Variants in ITGA11 observed in about 807,000 individuals in gnomAD.
The protein encoded by ITGA11 is integrin alpha-11.
In ITGA11, 97 loss-of-function variants were observed where a neutral mutation model predicts 141.9. The observed-to-expected ratio is 0.68, with a 90% confidence interval of 0.58 to 0.81. The LOEUF is 0.81. Ranked by LOEUF, ITGA11 falls within the 30% of genes least tolerant of loss-of-function variation. The probability of loss-of-function intolerance (pLI) is 0.00; values close to 1 mark genes in which losing one functional copy is unlikely to be tolerated. For synonymous variants in ITGA11, 658 were observed against 624.6 expected (o/e 1.05, Z -0.80); for missense variants, 1,387 against 1,559.2 (o/e 0.89, Z 1.86).
At position 68,348,471 on chromosome 15, in the gene ITGA11, C is replaced by G. The variant is rs530625999; in HGVS notation, c.1131+359G>C. On this transcript the variant is annotated intron_variant, in intron 10 of 29. Coordinates refer to ENST00000315757, the MANE Select transcript of ITGA11 (RefSeq NM_001004439.2). ...GTGGACTGAATGGGAAGGCACACCCCGCGCCTCACAGGTGAAATTATGGGA... is the reference window on the plus strand; with the variant it reads ...GTGGACTGAATGGGAAGGCACACCCGGCGCCTCACAGGTGAAATTATGGGA... Among the ~76,000 whole-genome samples the G allele has an allele frequency of 3.3e-5, 5 of 152,350 alleles. No homozygotes were observed. The East Asian group carries it at 7.7e-4, about 24-fold the overall frequency.
At chr15:68,411,214 T>TTA (rs1896764162) in intron 1 of ITGA11, among the ~76,000 whole-genome samples, 1 of 152,222 alleles carries the variant, frequency 6.6e-6, no homozygotes, top group Admixed American at 6.5e-5. Context: ...TGGATTCTAC[T>TTA]TATCCCTTTA....
At position 68,320,992 on chromosome 15, in the gene ITGA11, C is replaced by T. The variant is rs918353096; in HGVS notation, c.2408+426G>A. 7.2e-5 allele frequency among the ~76,000 whole-genome samples: 11 copies of T among 152,122 alleles called. No homozygotes were observed. In the East Asian group the frequency reaches 7.7e-4, roughly 11 times the overall value. ...GGATTGTAGGTCCCCTGCTCACCCTCGGCTGGTGTCCCTGGCATCTTTCCA... is the reference window on the plus strand; with the variant it reads ...GGATTGTAGGTCCCCTGCTCACCCTTGGCTGGTGTCCCTGGCATCTTTCCA... On this transcript the variant is annotated intron_variant, in intron 19 of 29. Transcript: ENST00000315757.
intron 3 of ITGA11, among the ~76,000 whole-genome samples, chr15:68,367,707 C>T (rs1895468380): frequency 6.6e-6 from 1 of 152,178 alleles, no homozygotes; most frequent in South Asian, 2.1e-4. Flanking sequence ...TTGGTACACT[C>T]TAGGTGCGCA....
chr15:68,316,891 G>T (rs1893598225), intron 21 of ITGA11, among the ~76,000 whole-genome samples: 2 of 152,168 alleles, frequency 1.3e-5, no homozygotes, highest in Admixed American at 6.5e-5. Context: ...CAGTTGGGTG[G>T]TAGGTACTCA....
At chr15:68,358,663 AG>A (rs1403295899) in intron 5 of ITGA11, 78 bp from the exon 6 acceptor site, 2 of 1,453,546 alleles carry the variant, frequency 1.4e-6, no homozygotes, top group African/African-American at 2.8e-5. Flanking sequence ...AATTGTTCAA[AG>A]GACAAATGAA....
chr15:68,307,802 G>A lies in ITGA11; in HGVS notation c.3175-106C>T, dbSNP rs1241474970. 39 of 700,424 alleles carry A rather than the reference G, an allele frequency of 5.6e-5. 1 individual carries two copies. The South Asian group carries it at 6.8e-4, about 12-fold the overall frequency. The allele number at this position is 700,424 out of a possible 1,614,324, so 43.4% of individuals were successfully genotyped here. On this transcript the variant is annotated intron_variant, in intron 26 of 29. Transcript: ENST00000315757. This position sits in a 1 kb window ranked among gnomAD's most constrained non-coding sequence, Gnocchi z 6.1. Reference sequence around the variant, plus strand: ...CTCTGCTCCTGGGGGCAGGGGCAGAGGACAGGGGACAAAGAGAAAGTTGGG... The same window carrying A: ...CTCTGCTCCTGGGGGCAGGGGCAGAAGACAGGGGACAAAGAGAAAGTTGGG...
intron 12 of ITGA11, 38 bp from the exon 13 acceptor site, chr15:68,332,516 C>T (rs1390417264): frequency 6.2e-7 from 1 of 1,601,920 alleles, no homozygotes; most frequent in Non-Finnish European, 8.5e-7. Context: ...GGGCTGGCTG[C>T]CCAGCTCGCA....
At chr15:68,431,015 G>A (rs1055070683) in intron 1 of ITGA11, among the ~76,000 whole-genome samples, 4 of 152,242 alleles carry the variant, frequency 2.6e-5, no homozygotes, top group Non-Finnish European at 4.4e-5. Flanking sequence ...CGCAGAAGGG[G>A]AGGCAAGGTT....
chr15:68,412,848 G>A (rs954332246), intron 1 of ITGA11, among the ~76,000 whole-genome samples: 1 of 151,714 alleles, frequency 6.6e-6, no homozygotes, highest in Non-Finnish European at 1.5e-5. Flanking sequence ...GCTAATTTTT[G>A]TACTTTTAGT....
chr15:68,398,979 T>TC (rs1180836252), intron 2 of ITGA11, among the ~76,000 whole-genome samples: 1 of 151,842 alleles, frequency 6.6e-6, no homozygotes, highest in Non-Finnish European at 1.5e-5. Context: ...GATTTCATTT[T>TC]CCCCTAAATT....
At chr15:68,347,667 T>C (rs1057157909) in intron 10 of ITGA11, among the ~76,000 whole-genome samples, 1 of 151,984 alleles carries the variant, frequency 6.6e-6, no homozygotes, top group Non-Finnish European at 1.5e-5. Context: ...AGCTGCTTGG[T>C]GTAGAGGAAA....
At position 68,385,011 on chromosome 15, in the gene ITGA11, T is replaced by C. The variant is rs115750348; in HGVS notation, c.165-15727A>G. Among the ~76,000 whole-genome samples the C allele has an allele frequency of 8.2e-3, 1,254 of 152,358 alleles. 21 individuals carry two copies. Among genetic ancestry groups the C allele is most frequent in the African/African-American group, 0.029 (1,207 of 41,592 alleles). Reference sequence around the variant, plus strand: ...GACACCATACCCTTTCTCCAGGGCATAGGCCAGTGTAGGGAACTCACTCAT... The same window carrying C: ...GACACCATACCCTTTCTCCAGGGCACAGGCCAGTGTAGGGAACTCACTCAT... On this transcript the variant is annotated intron_variant, in intron 2 of 29. Transcript: ENST00000315757.
chr15:68,306,016 C>G (rs2140263083), intron 28 of ITGA11, among the ~76,000 whole-genome samples: 1 of 136,224 alleles, frequency 7.3e-6, no homozygotes, highest in East Asian at 2.0e-4. Flanking sequence ...GAAACCCTGT[C>G]TCTACTAAAA....
intron 2 of ITGA11, among the ~76,000 whole-genome samples, chr15:68,376,413 A>C (rs1328528156): frequency 6.6e-6 from 1 of 152,160 alleles, no homozygotes; most frequent in Non-Finnish European, 1.5e-5. Flanking sequence ...GGCTTCTTTG[A>C]ATAACTTTTC....
At chr15:68,412,138 CA>C (rs1257851353) in intron 1 of ITGA11, among the ~76,000 whole-genome samples, 1 of 152,078 alleles carries the variant, frequency 6.6e-6, no homozygotes, top group Non-Finnish European at 1.5e-5. Flanking sequence ...ATTATTATAG[CA>C]ATTGATAATT....
chr15:68,328,395 G>C lies in ITGA11; in HGVS notation c.1902-133C>G. 1 of 668,318 alleles carries C rather than the reference G, an allele frequency of 1.5e-6. No homozygotes were observed. The highest frequency in any genetic ancestry group is 2.5e-6 in the Non-Finnish European group (1 of 399,648). 41.4% of individuals were successfully genotyped at this position (668,318 alleles called of 1,614,324 possible). On this transcript the variant is annotated intron_variant, in intron 15 of 29. Transcript: ENST00000315757. The surrounding 1 kb of genome is among the most constrained non-coding windows in gnomAD (Gnocchi z 4.8). Reference sequence around the variant, plus strand: ...TGGAGGGGGTGAGGTGGAGGATGGAGGGGGCGAGGTGGAGGATGGAGGGGG... The same window carrying C: ...TGGAGGGGGTGAGGTGGAGGATGGACGGGGCGAGGTGGAGGATGGAGGGGG...
At chr15:68,338,091 C>A (rs959971827) in intron 11 of ITGA11, among the ~76,000 whole-genome samples, 1 of 152,208 alleles carries the variant, frequency 6.6e-6, no homozygotes, top group Non-Finnish European at 1.5e-5. Flanking sequence ...CTGTTTAATG[C>A]CTCGAGGCAC....
At chr15:68,403,059 A>G in intron 1 of ITGA11, 30 bp from the exon 2 acceptor site, 1 of 1,481,816 alleles carries the variant, frequency 6.7e-7, no homozygotes, top group Non-Finnish European at 9.4e-7. Context: ...GAGGAGAAGC[A>G]GGGGAGTCAG....
intron 2 of ITGA11, among the ~76,000 whole-genome samples, chr15:68,373,772 C>A (rs978769268): frequency 6.6e-6 from 1 of 152,212 alleles, no homozygotes; most frequent in African/African-American, 2.4e-5. Context: ...TGAGTGAATG[C>A]AAGGCCTGGA....
Sources: allele counts gnomAD v4.1 joint callset (sites outside exome capture counted in the v4.1 genomes callset), GRCh38; gene constraint gnomAD v4.1.1; non-coding constraint Gnocchi (gnomAD v3.1); transcripts MANE v1.5; gene names NCBI Gene and HGNC (gene_info 2026-07-23, HGNC 2026-07-21).